ARHGAP28: variants seen among roughly 807,000 people sequenced by gnomAD.
The protein encoded by ARHGAP28 is Rho GTPase activating protein 28.
Under a neutral mutation model 90.7 loss-of-function variants are expected in ARHGAP28, and 56 were observed. The observed-to-expected ratio is 0.62, with a 90% CI of 0.50 to 0.77. The LOEUF (loss-of-function observed/expected upper bound fraction) is 0.77. ARHGAP28 is among the 30% of genes least tolerant of loss of function. ARHGAP28 has a pLI of 0.00. For missense variants in ARHGAP28, 869 were observed against 900.9 expected (o/e 0.96, Z 0.45); for synonymous variants, 308 against 323.3 (o/e 0.95, Z 0.51).
chr18:6,753,569 C>T (rs1600152944), intron 1 of ARHGAP28, among the ~76,000 whole-genome samples: 1 of 152,148 alleles, frequency 6.6e-6, no homozygotes, highest in South Asian at 2.1e-4. Flanking sequence ...TATATATAAC[C>T]TCACATAGTG....
rs770384253 is a variant in ARHGAP28, at chr18:6,882,316, A to G, written c.1453+17A>G. ...TAATGGAAAGTAGGTGGAAGACGTT[A>G]TATGTGAATACGCTAAGATATAAGG... On this transcript the variant is annotated intron_variant, in intron 11 of 17. Coordinates refer to ENST00000383472, the MANE Select transcript of ARHGAP28 (RefSeq NM_001366230.1). 2.5e-6 allele frequency: 4 copies of G among 1,605,070 alleles called. No homozygotes were observed. In the African/African-American group the frequency reaches 4.0e-5, roughly 16 times the overall value.
intron 3 of ARHGAP28, among the ~76,000 whole-genome samples, chr18:6,844,535 CTGTA>C (rs2056851591): frequency 6.6e-6 from 1 of 152,162 alleles, no homozygotes; most frequent in East Asian, 1.9e-4. Flanking sequence ...CTCCACAAAT[CTGTA>C]TGAATGTACA....
At chr18:6,872,181 C>T (rs911562583) in intron 7 of ARHGAP28, among the ~76,000 whole-genome samples, 9 of 152,164 alleles carry the variant, frequency 5.9e-5, no homozygotes, top group Admixed American at 3.3e-4. Flanking sequence ...ATCTCCTCAT[C>T]GAAGCCAGCT....
chr18:6,786,522 T>TG (rs1006883588), intron 1 of ARHGAP28, among the ~76,000 whole-genome samples: 15 of 152,266 alleles, frequency 9.9e-5, no homozygotes, highest in Admixed American at 9.8e-4. Flanking sequence ...GCTCCATCAT[T>TG]GTGCCACTGT....
intron 1 of ARHGAP28, among the ~76,000 whole-genome samples, chr18:6,802,730 C>G (rs2056491398): frequency 6.6e-6 from 1 of 152,092 alleles, no homozygotes; most frequent in Non-Finnish European, 1.5e-5. Context: ...TCTTAAAATA[C>G]TAAATCTTCC....
At chr18:6,761,453 T>C (rs1170513825) in intron 1 of ARHGAP28, among the ~76,000 whole-genome samples, 1 of 152,200 alleles carries the variant, frequency 6.6e-6, no homozygotes, top group African/African-American at 2.4e-5. Flanking sequence ...CTCACAGATC[T>C]TGGAGTCTAG....
At chr18:6,844,497 G>A (rs1252568845) in intron 3 of ARHGAP28, among the ~76,000 whole-genome samples, 1 of 152,150 alleles carries the variant, frequency 6.6e-6, no homozygotes, top group Non-Finnish European at 1.5e-5. Flanking sequence ...GCAATGACGA[G>A]TGCATAGGTA....
intron 12 of ARHGAP28, among the ~76,000 whole-genome samples, chr18:6,888,231 A>T (rs1017608032): frequency 2.0e-5 from 3 of 152,200 alleles, no homozygotes; most frequent in Non-Finnish European, 4.4e-5. Context: ...TCTTTGCTGT[A>T]TGTTGGTAAA....
intron 9 of ARHGAP28, among the ~76,000 whole-genome samples, chr18:6,875,250 G>A (rs1316652835): frequency 6.6e-6 from 1 of 152,214 alleles, no homozygotes; most frequent in Non-Finnish European, 1.5e-5. Context: ...TGGATGTTAA[G>A]TGTTCCTCGC....
At position 6,787,552 on chromosome 18, in the gene ARHGAP28, C is replaced by T. The variant is rs199800852; in HGVS notation, c.123-37210C>T. On this transcript the variant is annotated intron_variant, in intron 1 of 17. Transcript: ENST00000383472. ...ATTAGTTCTATCTAGGCCCTACCCC[C>T]GGAAATTCTGATCGTTTTTATCTAA... is the stretch of plus-strand genomic sequence containing the variant. Among the ~76,000 whole-genome samples the T allele has an allele frequency of 1.1e-3, 165 of 152,256 alleles. 1 individual carries two copies. The highest frequency in any genetic ancestry group is 9.5e-3 in the East Asian group (49 of 5,166).
intron 6 of ARHGAP28, among the ~76,000 whole-genome samples, chr18:6,868,952 G>A (rs2057059924): frequency 6.6e-6 from 1 of 152,020 alleles, no homozygotes; most frequent in African/African-American, 2.4e-5. Context: ...CATGTGAAGT[G>A]TATCTCAATA....
At chr18:6,881,552 A>G (rs1328688292) in intron 10 of ARHGAP28, among the ~76,000 whole-genome samples, 2 of 152,212 alleles carry the variant, frequency 1.3e-5, no homozygotes, top group African/African-American at 4.8e-5. Context: ...TCCAAACCTT[A>G]CAAAGGATTG....
rs767361665 is a variant in ARHGAP28 at position 6,851,028 on chromosome 18, C to T, written c.544-6C>T. The T allele has an allele frequency of 2.5e-6, 4 of 1,613,790 alleles. No homozygotes were observed. The highest frequency in any genetic ancestry group is 3.4e-6 in the Non-Finnish European group (4 of 1,179,870). On this transcript the variant is annotated splice_region_variant and splice_polypyrimidine_tract_variant and intron_variant, in intron 3 of 17. Coordinates refer to ENST00000383472, the MANE Select transcript of ARHGAP28 (RefSeq NM_001366230.1). ...GGATAAACGTGGCTTTCATTTCTTC[C>T]GTTAGCCTCGTGATACCTGTGGCAA...
At chr18:6,846,650 C>G (rs1428747635) in intron 3 of ARHGAP28, among the ~76,000 whole-genome samples, 1 of 152,216 alleles carries the variant, frequency 6.6e-6, no homozygotes, top group Non-Finnish European at 1.5e-5. Context: ...GTTTGCCCCT[C>G]TCTGCTGTCC....
rs780917741 is a variant in ARHGAP28, at chr18:6,729,949, C to T, written c.122+6C>T. On this transcript the variant is annotated splice_donor_region_variant and intron_variant, in intron 1 of 17. Transcript: ENST00000383472. ...GCCAGCCACCCGCTCAGCAGGTACC[C>T]GGAGCCGCTCCCACCAGGGCGGCGC... 4 of 1,354,668 alleles carry T rather than the reference C, an allele frequency of 3.0e-6. No homozygotes were observed. Among genetic ancestry groups the T allele is most frequent in the African/African-American group, 3.1e-5 (2 of 65,498 alleles). The allele number at this position is 1,354,668 out of a possible 1,614,324, so 83.9% of individuals were successfully genotyped here.
At chr18:6,822,558 T>C (rs2056633540) in intron 1 of ARHGAP28, among the ~76,000 whole-genome samples, 1 of 152,358 alleles carries the variant, frequency 6.6e-6, no homozygotes, top group South Asian at 2.1e-4. Context: ...TGTGTCTGAC[T>C]TGTTGAACTA....
At chr18:6,904,629 G>T (rs1170421037) in intron 16 of ARHGAP28, among the ~76,000 whole-genome samples, 1 of 151,914 alleles carries the variant, frequency 6.6e-6, no homozygotes, top group East Asian at 1.9e-4. Flanking sequence ...AAACGAGAAA[G>T]ATCAGTGAAA....
intron 1 of ARHGAP28, among the ~76,000 whole-genome samples, chr18:6,753,624 G>A (rs1254879289): frequency 6.6e-6 from 1 of 152,184 alleles, no homozygotes; most frequent in Non-Finnish European, 1.5e-5. Context: ...AATAAAGTGG[G>A]TATTTTCCAA....
chr18:6,788,216 T>C (rs1227990378), intron 1 of ARHGAP28, among the ~76,000 whole-genome samples: 1 of 151,878 alleles, frequency 6.6e-6, no homozygotes, highest in Admixed American at 6.6e-5. Flanking sequence ...GATCTGGTTG[T>C]TCAAAAGTGT....
Sources: gnomAD v4.1 joint callset for allele counts (sites outside exome capture counted in the v4.1 genomes callset) on GRCh38, gnomAD v4.1.1 for gene constraint, MANE v1.5 for transcripts, NCBI Gene and HGNC (gene_info 2026-07-23, HGNC 2026-07-21) for gene names.